Variants in TCP11 observed in about 807,000 individuals in gnomAD.
TCP11 encodes the protein T-complex protein 11 homolog.
TCP11 carries 34 observed loss-of-function variants against 45.0 expected under a neutral mutation model. The ratio of observed to expected loss-of-function variants is 0.76; its 90% CI spans 0.57 to 1.01. The LOEUF is 1.01. TCP11 is among the 50% of genes least tolerant of loss of function. The pLI, the probability that TCP11 is intolerant of heterozygous loss-of-function variation, is 0.00. For synonymous variants in TCP11, 227 were observed against 227.0 expected, an observed-to-expected ratio of 1.00 and a Z score of 0.00; for missense variants, 523 against 598.1, an observed-to-expected ratio of 0.87 and a Z score of 1.31.
chr6:35,127,644 C>A (rs992126454), intron 4 of TCP11, among the ~76,000 whole-genome samples: 2 of 152,132 alleles, frequency 1.3e-5, no homozygotes, highest in Non-Finnish European at 2.9e-5. Flanking sequence ...ATTTTATATA[C>A]AAGTTGTTAG....
At chr6:35,135,630 A>AG (rs1232010867) in intron 3 of TCP11, among the ~76,000 whole-genome samples, 1 of 151,654 alleles carries the variant, frequency 6.6e-6, no homozygotes, top group East Asian at 1.9e-4. Flanking sequence ...TAAAAAAAAA[A>AG]AAAAAAAAAT....
chr6:35,140,754 G>A lies in TCP11; in HGVS notation c.117C>T (p.Pro39=). The A allele has an allele frequency of 1.3e-6, 2 of 1,527,650 alleles. No homozygotes were observed. Among genetic ancestry groups the A allele is most frequent in the African/African-American group, 2.8e-5 (2 of 71,926 alleles). The allele number at this position is 1,527,650 out of a possible 1,614,324, so 94.6% of individuals were successfully genotyped here. A position where few individuals can be genotyped will look rare whatever the true frequency, so the allele number is the denominator to read the frequency against. ...PQEDKSGSED[P]PPFLSVTGLT... ...CTGCCGAGCTGGACCTACAGGGAGG[G>A]GGGTCCTCGGAGCCGCTCTTGTCTT... The change falls in exon 2 of 10, where the codon CCC becomes CCT. Residue 39 remains proline, a synonymous_variant. Coordinates refer to ENST00000311875, the MANE Select transcript of TCP11 (RefSeq NM_001370687.1).
chr6:35,136,105 A>T lies in TCP11; in HGVS notation c.236+2T>A. 1 of 1,612,192 alleles carries T rather than the reference A, an allele frequency of 6.2e-7. No individual in the cohort carries two copies. Among genetic ancestry groups the T allele is most frequent in the Non-Finnish European group, 8.5e-7 (1 of 1,178,642 alleles). ...ACATGAAGAAAGAAGAAGAGTCTAT[A>T]CCTGCTTGGAGGTAAAACCTTCTCT... On this transcript the variant is annotated splice_donor_variant, in intron 3 of 9. Transcript: ENST00000311875. LOFTEE classifies it high-confidence loss of function.
chr6:35,129,112 T>C lies in TCP11; in HGVS notation c.307A>G (p.Thr103Ala), dbSNP rs1780136636. 1.2e-6 allele frequency: 2 copies of C among 1,613,810 alleles called. No homozygotes were observed. Among genetic ancestry groups the C allele is most frequent in the African/African-American group, 2.7e-5 (2 of 74,836 alleles). The change falls in exon 4 of 10, where the codon ACT becomes GCT. Residue 103 changes from threonine to alanine, a missense_variant. Coordinates refer to ENST00000311875, the MANE Select transcript of TCP11 (RefSeq NM_001370687.1). ...AGAGCACAGCTGAAGTCAGGGGGAG[T>C]TGCTGATAGTTGCTCTTTAAGATGG... ...WDHLKEQLSA[T>A]PPDFSCALEL...
chr6:35,122,460 C>A, intron 4 of TCP11, 123 bp from the exon 5 acceptor site: 1 of 798,506 alleles, frequency 1.3e-6, no homozygotes. Context: ...AGTTGGGTCC[C>A]TAAATTTCCC....
chr6:35,122,024 T>C, intron 5 of TCP11, 93 bp downstream of exon 5: 1 of 1,214,610 alleles, frequency 8.2e-7, no homozygotes, highest in Non-Finnish European at 1.2e-6. Flanking sequence ...AGGGAAGAGC[T>C]GGTCAAGACG....
At chr6:35,128,952 G>C in intron 4 of TCP11, 110 bp downstream of exon 4, 2 of 1,394,760 alleles carry the variant, frequency 1.4e-6, no homozygotes, top group Non-Finnish European at 1.9e-6. Flanking sequence ...CTATTGCTTA[G>C]TCTCTGACTG....
chr6:35,138,357 G>A (rs1472044372), intron 2 of TCP11, among the ~76,000 whole-genome samples: 2 of 152,108 alleles, frequency 1.3e-5, no homozygotes, highest in African/African-American at 2.4e-5. Flanking sequence ...ACAGACAAAT[G>A]GTAGATATAC....
At chr6:35,141,079 A>G (rs1473748269) in intron 1 of TCP11, 126 bp downstream of exon 1, 1 of 1,238,384 alleles carries the variant, frequency 8.1e-7, no homozygotes, top group Non-Finnish European at 1.0e-6. Context: ...GGCGGCAACG[A>G]GGAAACTAAA....
chr6:35,140,097 G>A (rs1781549418), intron 2 of TCP11: 1 of 1,613,764 alleles, frequency 6.2e-7, no homozygotes, highest in African/African-American at 1.3e-5. Context: ...ACCTCATGTG[G>A]CCACAAGAAA....
intron 4 of TCP11, chr6:35,128,190 A>G (rs1474100777): frequency 2.6e-5 from 4 of 152,214 alleles, no homozygotes; most frequent in Non-Finnish European, 4.4e-5. Flanking sequence ...ATTTGGAAAC[A>G]TGACTGGGAA....
At chr6:35,118,634 G>T in intron 9 of TCP11, 133 bp from the exon 10 acceptor site, 3 of 784,200 alleles carry the variant, frequency 3.8e-6, no homozygotes, top group Non-Finnish European at 6.0e-6. Context: ...TAGAGATAAT[G>T]AAATTTGTTT....
intron 2 of TCP11, among the ~76,000 whole-genome samples, chr6:35,138,096 G>A (rs897789628): frequency 6.6e-6 from 1 of 152,160 alleles, no homozygotes; most frequent in African/African-American, 2.4e-5. Context: ...ACAAACGCTG[G>A]TGAGGATGTG....
chr6:35,136,146 C>G lies in TCP11; in HGVS notation c.197G>C (p.Cys66Ser). ...AACCTTCTCTTCCATGTAGTAATCA[C>G]AATTCATCCCAATCTTGTTGCTCAG... is the stretch of plus-strand genomic sequence containing the variant. ...SKLSNKIGMN[C>S]DYYMEEKVLP... The change falls in exon 3 of 10, where the codon TGT becomes TCT. Residue 66 changes from cysteine (C) to serine (S), a missense_variant. Coordinates refer to ENST00000311875, the MANE Select transcript of TCP11 (RefSeq NM_001370687.1). 1.2e-6 allele frequency: 2 copies of G among 1,613,806 alleles called. No homozygotes were observed. The highest frequency in any genetic ancestry group is 1.7e-6 in the Non-Finnish European group (2 of 1,179,842).
Position 35,120,034 on chromosome 6 carries a change from T to C in TCP11, c.1115+125A>G. 1 of 1,248,556 alleles carries C rather than the reference T, an allele frequency of 8.0e-7. No individual in the cohort carries two copies. The highest frequency in any genetic ancestry group is 1.1e-6 in the Non-Finnish European group (1 of 919,716). The allele number at this position is 1,248,556 out of a possible 1,614,324, so 77.3% of individuals were successfully genotyped here. A position where few individuals can be genotyped will look rare whatever the true frequency, so the allele number is the denominator to read the frequency against. ...CACTTATGGAAAGAAACCAACAATC[T>C]TTGTAGATGGTTCCACAGGGCCTTT... On this transcript the variant is annotated intron_variant, in intron 8 of 9. Transcript: ENST00000311875. This position sits in a 1 kb window ranked among gnomAD's most constrained non-coding sequence, Gnocchi z 4.9.
chr6:35,141,146 A>C (rs1781728166), intron 1 of TCP11, 59 bp downstream of exon 1: 2 of 1,315,954 alleles, frequency 1.5e-6, no homozygotes, highest in African/African-American at 1.5e-5. Flanking sequence ...CTTCGCGGCG[A>C]GGTGCCCCCC....
intron 5 of TCP11, 29 bp downstream of exon 5, chr6:35,122,088 G>A: frequency 1.9e-6 from 3 of 1,612,216 alleles, no homozygotes; most frequent in Non-Finnish European, 2.5e-6. Flanking sequence ...GCTAAAGCAG[G>A]TTTTTGGGGG....
In TCP11 at chr6:35,120,254, G is replaced by C. The variant is rs747253031; in HGVS notation, c.1020C>G (p.Ala340=). 7 of 1,614,090 alleles carry C rather than the reference G, an allele frequency of 4.3e-6. No homozygotes were observed. The highest frequency in any genetic ancestry group is 1.3e-5 in the African/African-American group (1 of 74,930). Residue 340 remains alanine (A), a synonymous_variant, in exon 8 of 10, where the codon GCC becomes GCG. Transcript: ENST00000311875. This position sits in a 1 kb window ranked among gnomAD's most constrained non-coding sequence, Gnocchi z 4.9. ...ACAAAACACTGCCGGAGAAACTACT[G>C]GCCACCAGCAAGACTGAGGCCATGA... is the stretch of plus-strand genomic sequence containing the variant. ...LTVMASVLLV[A]SSFSGSVLFG...
chr6:35,125,360 T>G (rs1364873925), intron 4 of TCP11, among the ~76,000 whole-genome samples: 2 of 152,116 alleles, frequency 1.3e-5, no homozygotes, highest in African/African-American at 4.8e-5. Context: ...ATGGACAAAG[T>G]ACCTGAGTAA....
Sources: gnomAD v4.1 joint callset for allele counts (sites outside exome capture counted in the v4.1 genomes callset) on GRCh38, gnomAD v4.1.1 for gene constraint, Gnocchi (gnomAD v3.1) non-coding constraint, MANE v1.5 for transcripts, NCBI Gene and HGNC (gene_info 2026-07-23, HGNC 2026-07-21) for gene names.